The following NRXN1 variants were observed in gnomAD, a reference collection of about 807,000 sequenced individuals.
NRXN1 encodes neurexin-1.
NRXN1 carries 39 observed loss-of-function variants against 150.9 expected under a neutral mutation model. The observed-to-expected ratio is 0.26, with a 90% CI of 0.20 to 0.34. NRXN1 has a LOEUF of 0.34. Ranked by LOEUF, NRXN1 falls within the 10% of genes least tolerant of loss-of-function variation. NRXN1 has a pLI of 1.00. For synonymous variants in NRXN1, 924 were observed against 757.0 expected (o/e 1.22, Z -3.62); for missense variants, 1,815 against 1,949.9 (o/e 0.93, Z 1.30).
chr2:50,973,572 A>G (rs762593454), intron 2 of NRXN1, among the ~76,000 whole-genome samples: 2 of 152,140 alleles, frequency 1.3e-5, no homozygotes, highest in Non-Finnish European at 2.9e-5. Flanking sequence ...AATTAATTAT[A>G]TGTAACAAAA....
intron 17 of NRXN1, among the ~76,000 whole-genome samples, chr2:50,438,121 C>A (rs991505712): frequency 6.6e-6 from 1 of 152,098 alleles, no homozygotes; most frequent in African/African-American, 2.4e-5. Flanking sequence ...CTAGTAGAAT[C>A]AAAAAAATTT....
At chr2:50,978,064 T>C (rs772814430) in intron 2 of NRXN1, among the ~76,000 whole-genome samples, 46 of 151,270 alleles carry the variant, frequency 3.0e-4, no homozygotes, top group African/African-American at 8.5e-4. Flanking sequence ...GGGCAAAATA[T>C]TGCCCTACTG....
chr2:50,745,219 T>G lies in NRXN1; in HGVS notation c.833-121604A>C, dbSNP rs138286779. 2.3e-3 allele frequency among the ~76,000 whole-genome samples: 348 copies of G among 152,268 alleles called. 1 individual carries two copies. The highest frequency in any genetic ancestry group is 4.0e-3 in the Non-Finnish European group (271 of 68,028). On this transcript the variant is annotated intron_variant, in intron 5 of 22. Transcript: ENST00000401669. ...CTACATGAAATGACTATAGCTAGAA[T>G]TAAATAAGGCCAGGGCTATCACAAT...
chr2:50,558,354 T>G (rs183988458), intron 8 of NRXN1, among the ~76,000 whole-genome samples: 42 of 152,268 alleles, frequency 2.8e-4, no homozygotes, highest in Non-Finnish European at 2.9e-5. Context: ...AGTAGGAAAT[T>G]TGTCTTCGTT....
rs2065487224 is a variant in NRXN1 at position 50,236,878 on chromosome 2, C to T, written c.3457G>A (p.Ala1153Thr). ...DRPSTRADRLAIGFSTVQKEA... is the reference protein window; with the variant it reads ...DRPSTRADRLTIGFSTVQKEA... Reference sequence around the variant, plus strand: ...TTCTGAACAGTGCTAAAACCTATGGCCAGTCTGTCTGCTCGTGTACTGGGT... The same window carrying T: ...TTCTGAACAGTGCTAAAACCTATGGTCAGTCTGTCTGCTCGTGTACTGGGT... Residue 1153 changes from alanine to threonine, a missense_variant, in exon 18 of 23, where the codon GCC (alanine) becomes ACC (threonine). Transcript: ENST00000401669. 1 of 1,613,228 alleles carries T rather than the reference C, an allele frequency of 6.2e-7. No individual in the cohort carries two copies. Among genetic ancestry groups the T allele is most frequent in the Admixed American group, 1.7e-5 (1 of 59,878 alleles).
chr2:50,292,103 G>C (rs1366124282), intron 17 of NRXN1, among the ~76,000 whole-genome samples: 2 of 152,138 alleles, frequency 1.3e-5, no homozygotes, highest in Non-Finnish European at 1.5e-5. Context: ...GCAAACCAAG[G>C]TGCTTGGCCA....
chr2:50,728,591 C>T (rs1349106192), intron 5 of NRXN1, among the ~76,000 whole-genome samples: 2 of 152,096 alleles, frequency 1.3e-5, no homozygotes, highest in East Asian at 1.9e-4. Context: ...TTTCCTGTTA[C>T]TGAATGTCCT....
chr2:50,938,267 T>A (rs1688840789), intron 2 of NRXN1, among the ~76,000 whole-genome samples: 1 of 152,176 alleles, frequency 6.6e-6, no homozygotes, highest in Non-Finnish European at 1.5e-5. Flanking sequence ...AAAATTAAGG[T>A]ATGTGTGCTC....
intron 5 of NRXN1, among the ~76,000 whole-genome samples, chr2:50,908,534 T>C (rs997773033): frequency 6.6e-6 from 1 of 152,004 alleles, no homozygotes; most frequent in Non-Finnish European, 1.5e-5. Context: ...TCCTGACAAT[T>C]AGAGCATGCC....
At chr2:50,504,140 T>TACAAAA (rs2092100749) in intron 13 of NRXN1, among the ~76,000 whole-genome samples, 1 of 112,436 alleles carries the variant, frequency 8.9e-6, no homozygotes, top group African/African-American at 3.7e-5. Flanking sequence ...ACATGACAAC[T>TACAAAA]AAAAAAAAAA....
intron 5 of NRXN1, among the ~76,000 whole-genome samples, chr2:50,814,024 T>A (rs570274453): frequency 4.8e-4 from 73 of 152,280 alleles, no homozygotes; most frequent in Non-Finnish European, 7.8e-4. Flanking sequence ...GGAGAAAAAA[T>A]TGAGGGCAAA....
At chr2:50,491,684 C>T (rs537258984) in intron 15 of NRXN1, among the ~76,000 whole-genome samples, 1 of 152,152 alleles carries the variant, frequency 6.6e-6, no homozygotes, top group Admixed American at 6.6e-5. Context: ...TAGATGTGGC[C>T]CATAAATAAA....
intron 18 of NRXN1, among the ~76,000 whole-genome samples, chr2:50,162,280 T>A (rs1019772679): frequency 6.6e-6 from 1 of 152,180 alleles, no homozygotes; most frequent in African/African-American, 2.4e-5. Flanking sequence ...TCAAATAATA[T>A]TGCTTTCTTT....
chr2:50,187,863 T>A (rs2061188767), intron 18 of NRXN1, among the ~76,000 whole-genome samples: 1 of 152,164 alleles, frequency 6.6e-6, no homozygotes, highest in Non-Finnish European at 1.5e-5. Context: ...GGGAGTTCAC[T>A]CATGATTTGG....
intron 18 of NRXN1, among the ~76,000 whole-genome samples, chr2:50,226,670 G>C (rs533519835): frequency 6.6e-6 from 1 of 152,096 alleles, no homozygotes; most frequent in African/African-American, 2.4e-5. Context: ...GGCCTTTGAA[G>C]TATTTGCAGT....
At chr2:50,201,746 C>T (rs1441973652) in intron 18 of NRXN1, among the ~76,000 whole-genome samples, 2 of 152,172 alleles carry the variant, frequency 1.3e-5, no homozygotes, top group Non-Finnish European at 1.5e-5. Context: ...CTTAACTAAG[C>T]AGTTCAAGCT....
chr2:50,348,443 A>G (rs1337280526), intron 17 of NRXN1, among the ~76,000 whole-genome samples: 2 of 152,220 alleles, frequency 1.3e-5, no homozygotes, highest in African/African-American at 2.4e-5. Context: ...ATTTCAGTCA[A>G]TATTTTAGGA....
chr2:50,935,033 T>C (rs1688314105), intron 2 of NRXN1, among the ~76,000 whole-genome samples: 1 of 152,208 alleles, frequency 6.6e-6, no homozygotes, highest in African/African-American at 2.4e-5. Context: ...ATTCTCGCAG[T>C]ATGCCCAATT....
chr2:50,501,148 C>T (rs186342521), intron 13 of NRXN1, among the ~76,000 whole-genome samples: 2 of 152,176 alleles, frequency 1.3e-5, no homozygotes, highest in Non-Finnish European at 1.5e-5. Context: ...AAAGAGAAAG[C>T]CCTGTTAAGA....
Sources: allele counts gnomAD v4.1 joint callset (sites outside exome capture counted in the v4.1 genomes callset), GRCh38; gene constraint gnomAD v4.1.1; transcripts MANE v1.5; gene names NCBI Gene and HGNC (gene_info 2026-07-23, HGNC 2026-07-21).